The following FASTKD1 variants were observed in gnomAD, a reference collection of about 807,000 sequenced individuals.
FASTKD1 encodes the protein FAST kinase domains 1.
In FASTKD1, 94 loss-of-function variants were observed where a neutral mutation model predicts 90.9. The observed-to-expected ratio is 1.03, with a 90% CI of 0.88 to 1.23. The LOEUF (loss-of-function observed/expected upper bound fraction) is 1.23. FASTKD1 is among the 50% of genes most tolerant of loss of function. The probability of loss-of-function intolerance (pLI) is 0.00; values close to 1 mark genes in which losing one functional copy is unlikely to be tolerated. For missense variants in FASTKD1, 945 were observed against 993.5 expected, an observed-to-expected ratio of 0.95 and a Z score of 0.66; for synonymous variants, 319 against 345.8, an observed-to-expected ratio of 0.92 and a Z score of 0.86.
intron 5 of FASTKD1, among the ~76,000 whole-genome samples, chr2:169,559,133 C>T (rs1574401697): frequency 6.6e-6 from 1 of 151,718 alleles, no homozygotes; most frequent in Admixed American, 6.6e-5. Flanking sequence ...GCCATCATGC[C>T]CGACTTATCT....
chr2:169,560,198 A>C, intron 5 of FASTKD1, 189 bp downstream of exon 5: 1 of 376,606 alleles, frequency 2.7e-6, no homozygotes. Context: ...ACACAGCAAC[A>C]GACTAAGAGT....
chr2:169,564,262 A>C (rs143952710), intron 3 of FASTKD1, among the ~76,000 whole-genome samples: 3 of 152,270 alleles, frequency 2.0e-5, no homozygotes, highest in African/African-American at 7.2e-5. Context: ...TTTATAAGAC[A>C]ATCAACAAAA....
Position 169,560,738 on chromosome 2 carries a change from TGTC to T in FASTKD1, c.617_619del (p.Arg206del). On this transcript the variant is annotated inframe_deletion, in exon 5 of 15. Coordinates refer to ENST00000453153, the MANE Select transcript of FASTKD1 (RefSeq NM_024622.6). ...TTTGTTCACCAGTTGTTGTTGAAAA[TGTC>T]GTGATATTAAAGAAGATATGTTGAC... 1 of 1,596,426 alleles carries T rather than the reference TGTC, an allele frequency of 6.3e-7. No homozygotes were observed. Among genetic ancestry groups the T allele is most frequent in the East Asian group, 2.3e-5 (1 of 44,436 alleles).
intron 7 of FASTKD1, among the ~76,000 whole-genome samples, chr2:169,552,259 A>C (rs973199096): frequency 2.0e-5 from 3 of 152,246 alleles, no homozygotes; most frequent in Admixed American, 1.3e-4. Context: ...AATAAGCTTT[A>C]ACATTATCAT....
At chr2:169,542,271 G>C (rs912987774) in intron 9 of FASTKD1, among the ~76,000 whole-genome samples, 1 of 152,138 alleles carries the variant, frequency 6.6e-6, no homozygotes, top group Non-Finnish European at 1.5e-5. Flanking sequence ...ATACCTGACA[G>C]TAAGTACATG....
intron 9 of FASTKD1, among the ~76,000 whole-genome samples, chr2:169,542,665 T>G (rs1399115380): frequency 2.6e-5 from 4 of 152,126 alleles, no homozygotes; most frequent in Non-Finnish European, 4.4e-5. Flanking sequence ...AGGCATTTGA[T>G]ATCAGCCTGG....
At chr2:169,538,286 T>A (rs1684813098) in intron 10 of FASTKD1, 145 bp from the exon 11 acceptor site, 1 of 676,910 alleles carries the variant, frequency 1.5e-6, no homozygotes, top group Non-Finnish European at 2.4e-6. Context: ...AATTTACAAA[T>A]GTATGCTTTA....
intron 4 of FASTKD1, among the ~76,000 whole-genome samples, chr2:169,561,770 G>A (rs142885623): frequency 0.086 from 4,177 of 48,756 alleles, 82 homozygotes; most frequent in Middle Eastern, 0.2. Flanking sequence ...TTAATTTATT[G>A]TAAATTATTT....
Position 169,546,822 on chromosome 2 carries a change from T to C in FASTKD1, c.1215-118A>G, listed in dbSNP as rs1168437640. On this transcript the variant is annotated intron_variant, in intron 7 of 14. Transcript: ENST00000453153. Reference sequence around the variant, plus strand: ...AAGATGATGATTCAAAAAAACCTCTTTCAAACTATGTTTCTCCTCTAATCT... The same window carrying C: ...AAGATGATGATTCAAAAAAACCTCTCTCAAACTATGTTTCTCCTCTAATCT... The C allele has an allele frequency of 3.9e-6, 4 of 1,038,816 alleles. No homozygotes were observed. In the African/African-American group the frequency reaches 6.5e-5, roughly 17 times the overall value. 64.3% of individuals were successfully genotyped at this position (1,038,816 alleles called of 1,614,324 possible). A position where few individuals can be genotyped will look rare whatever the true frequency, so the allele number is the denominator to read the frequency against.
At chr2:169,557,126 G>GA (rs1210764431) in intron 6 of FASTKD1, 61 bp downstream of exon 6, 19 of 1,099,266 alleles carry the variant, frequency 1.7e-5, no homozygotes, top group Non-Finnish European at 2.4e-5. Flanking sequence ...TTTTTCCTTA[G>GA]AAAAAAATAG....
At chr2:169,530,457 C>CTGTT in intron 14 of FASTKD1, 130 bp downstream of exon 14, 1 of 614,272 alleles carries the variant, frequency 1.6e-6, no homozygotes, top group East Asian at 2.9e-5. Flanking sequence ...TGTATCTGGC[C>CTGTT]TGTTTGAGTG....
intron 7 of FASTKD1, among the ~76,000 whole-genome samples, chr2:169,550,585 C>G (rs1311775526): frequency 6.6e-6 from 1 of 152,030 alleles, no homozygotes; most frequent in African/African-American, 2.4e-5. Context: ...CTCAAGTGAT[C>G]CTCCCGCCTC....
chr2:169,539,499 G>T (rs1218752448), intron 10 of FASTKD1, among the ~76,000 whole-genome samples: 1 of 151,786 alleles, frequency 6.6e-6, no homozygotes, highest in Non-Finnish European at 1.5e-5. Context: ...CTGGGTGTGG[G>T]GGCTCACACC....
At chr2:169,538,173 T>C (rs759837307) in intron 10 of FASTKD1, 32 bp from the exon 11 acceptor site, 3 of 1,572,002 alleles carry the variant, frequency 1.9e-6, no homozygotes, top group Admixed American at 2.0e-5. Flanking sequence ...TGAATTTTGA[T>C]AGCTGAGACC....
At position 169,528,519 on chromosome 2, in the gene FASTKD1, C is replaced by T. The variant is rs774024563; in HGVS notation, c.*1306G>A. Among the ~76,000 whole-genome samples the T allele has an allele frequency of 1.3e-5, 2 of 152,050 alleles. No individual in the cohort carries two copies. The highest frequency in any genetic ancestry group is 2.9e-5 in the Non-Finnish European group (2 of 68,002). ...ATATCACACAGTAGGCCCTTAGTAACCATTTTATTGAATAAATGTGTTGTA... is the reference window on the plus strand; with the variant it reads ...ATATCACACAGTAGGCCCTTAGTAATCATTTTATTGAATAAATGTGTTGTA... On this transcript the variant is annotated 3_prime_UTR_variant, in exon 15 of 15. Transcript: ENST00000453153.
chr2:169,531,512 G>A (rs1213930082), intron 12 of FASTKD1, 22 bp from the exon 13 acceptor site: 1 of 1,578,944 alleles, frequency 6.3e-7, no homozygotes, highest in South Asian at 1.2e-5. Flanking sequence ...ATAGAAACTG[G>A]TAGTATGAAT....
At chr2:169,530,552 C>T (rs1684432334) in intron 14 of FASTKD1, 35 bp downstream of exon 14, 2 of 1,253,928 alleles carry the variant, frequency 1.6e-6, no homozygotes, top group East Asian at 4.7e-5. Context: ...TGTCTCTGGG[C>T]TTTTTAGAGG....
At chr2:169,530,956 T>A (rs1684454758) in intron 13 of FASTKD1, 1 of 680,942 alleles carries the variant, frequency 1.5e-6, no homozygotes, top group Non-Finnish European at 2.7e-6. Flanking sequence ...GCCTACTACA[T>A]GTAAACCACT....
Position 169,528,811 on chromosome 2 carries a change from C to G in FASTKD1, c.*1014G>C, listed in dbSNP as rs981940216. 4.6e-5 allele frequency among the ~76,000 whole-genome samples: 7 copies of G among 152,090 alleles called. No individual in the cohort carries two copies. The highest frequency in any genetic ancestry group is 1.0e-4 in the Non-Finnish European group (7 of 68,026). On this transcript the variant is annotated 3_prime_UTR_variant, in exon 15 of 15. Coordinates refer to ENST00000453153, the MANE Select transcript of FASTKD1 (RefSeq NM_024622.6). ...AGCAGCATCTGATACAACTACTCAC[C>G]TCCCCCTTGAAATGCTTTATCCACT... is the stretch of plus-strand genomic sequence containing the variant.
Sources: allele counts gnomAD v4.1 joint callset (sites outside exome capture counted in the v4.1 genomes callset), GRCh38; gene constraint gnomAD v4.1.1; transcripts MANE v1.5; gene names NCBI Gene and HGNC (gene_info 2026-07-23, HGNC 2026-07-21).